Variants in SMG1 observed in about 807,000 individuals in gnomAD.
SMG1 encodes SMG1 nonsense mediated mRNA decay associated PI3K related kinase.
In SMG1, 22 loss-of-function variants were observed where a neutral mutation model predicts 419.9. The ratio of observed to expected loss-of-function variants is 0.05; its 90% CI spans 0.04 to 0.07. The LOEUF is 0.07. Ranked by LOEUF, SMG1 falls within the 10% of genes least tolerant of loss-of-function variation. The pLI is 1.00. For missense variants in SMG1, 3,185 were observed against 4,342.0 expected (o/e 0.73, Z 7.49); for synonymous variants, 1,538 against 1,553.5 (o/e 0.99, Z 0.23).
Position 18,868,559 on chromosome 16 carries a change from G to A in SMG1, c.2994C>T (p.Tyr998=), listed in dbSNP as rs1330826365. ...ENLEKLMYNA[Y]EGCANALTSP... is the part of the protein sequence containing the mutation. ...AAGTTAATGCATTAGCACATCCCTCGTATGCATTATACATTAATTTCTCCA... is the reference window on the plus strand; with the variant it reads ...AAGTTAATGCATTAGCACATCCCTCATATGCATTATACATTAATTTCTCCA... The change falls in exon 21 of 63, where the codon TAC becomes TAT. Residue 998 remains tyrosine (Y), a synonymous_variant. Transcript: ENST00000446231. 2.9e-5 allele frequency: 46 copies of A among 1,595,550 alleles called. No individual in the cohort carries two copies. Among genetic ancestry groups the A allele is most frequent in the Admixed American group, 2.5e-4 (15 of 59,976 alleles).
At chr16:18,854,221 G>A (rs1225482388) in intron 30 of SMG1, among the ~76,000 whole-genome samples, 1 of 150,218 alleles carries the variant, frequency 6.7e-6, no homozygotes, top group Non-Finnish European at 1.5e-5. Flanking sequence ...CAAGCAGCCG[G>A]AACTACAGGC....
At chr16:18,841,826 G>A (rs368585568) in intron 40 of SMG1, 32 bp from the exon 41 acceptor site, 1 of 1,582,846 alleles carries the variant, frequency 6.3e-7, no homozygotes, top group African/African-American at 1.3e-5. Context: ...AGCTAGGATA[G>A]GTGATTAAAC....
At chr16:18,815,123 G>T in intron 60 of SMG1, 52 bp downstream of exon 60, 1 of 1,109,872 alleles carries the variant, frequency 9.0e-7, no homozygotes, top group Non-Finnish European at 1.3e-6. Flanking sequence ...AAACATCTTA[G>T]CATCTATGTG....
intron 1 of SMG1, among the ~76,000 whole-genome samples, chr16:18,914,661 A>C (rs9930627): frequency 5.9e-5 from 9 of 152,038 alleles, no homozygotes; most frequent in Admixed American, 2.6e-4. Context: ...TCCAGCCTGG[A>C]TGACAAATAA....
At chr16:18,910,363 T>A (rs1020197238) in intron 1 of SMG1, among the ~76,000 whole-genome samples, 2 of 151,830 alleles carry the variant, frequency 1.3e-5, no homozygotes, top group Non-Finnish European at 2.9e-5. Context: ...CCCAAATAGC[T>A]GGGATTACAG....
chr16:18,851,949 T>C, intron 33 of SMG1, 118 bp downstream of exon 33: 3 of 1,102,202 alleles, frequency 2.7e-6, no homozygotes, highest in Non-Finnish European at 3.7e-6. Flanking sequence ...CAGAAGTTTT[T>C]ATTTACAACA....
Position 18,883,962 on chromosome 16 carries a change from A to G in SMG1, c.1119+108T>C, listed in dbSNP as rs1468582846. The G allele has an allele frequency of 1.1e-5, 5 of 469,342 alleles. No individual in the cohort carries two copies. The Admixed American group carries it at 2.1e-4, about 19-fold the overall frequency. 29.1% of individuals were successfully genotyped at this position (469,342 alleles called of 1,614,324 possible). A position where few individuals can be genotyped will look rare whatever the true frequency, so the allele number is the denominator to read the frequency against. On this transcript the variant is annotated intron_variant, in intron 9 of 62. Coordinates refer to ENST00000446231, the MANE Select transcript of SMG1 (RefSeq NM_015092.5). Reference sequence around the variant, plus strand: ...GTTTAAAATATTGCAATGGGCATGTAATTTCTGCTTAAATGTCAGGAGGTC... The same window carrying G: ...GTTTAAAATATTGCAATGGGCATGTGATTTCTGCTTAAATGTCAGGAGGTC...
chr16:18,831,776 T>TAC (rs2033197151), intron 51 of SMG1, among the ~76,000 whole-genome samples: 1 of 87,010 alleles, frequency 1.1e-5, no homozygotes, highest in South Asian at 4.0e-4. Flanking sequence ...AAAAAATACA[T>TAC]ATATATATAT....
intron 9 of SMG1, among the ~76,000 whole-genome samples, chr16:18,883,685 G>A (rs780751576): frequency 3.9e-5 from 6 of 152,122 alleles, no homozygotes; most frequent in Admixed American, 2.0e-4. Context: ...TTGGGAGGCC[G>A]ATGCGGGTGG....
At chr16:18,864,984 T>A (rs1303024294) in intron 23 of SMG1, among the ~76,000 whole-genome samples, 1 of 152,194 alleles carries the variant, frequency 6.6e-6, no homozygotes, top group South Asian at 2.1e-4. Context: ...AAAATATTGA[T>A]AAGTAGCTGA....
In SMG1 at chr16:18,853,691, T is replaced by G; in HGVS notation, c.4660A>C (p.Asn1554His). ...GACAAAGTAGAAAGACCTGTGAAGT[T>G]CTGTTGGTGCTGAGCTCTGTAAACC... The part of the protein sequence containing the change: ...KQVYRAQHQQ[N>H]FTGLSTLSKN... The change falls in exon 31 of 63, where the codon AAC (asparagine) becomes CAC (histidine). Residue 1554 changes from asparagine to histidine, a missense_variant. By Grantham distance (68) the Asn-to-His change is moderately conservative. Coordinates refer to ENST00000446231, the MANE Select transcript of SMG1 (RefSeq NM_015092.5). 1.2e-6 allele frequency: 2 copies of G among 1,613,802 alleles called. No homozygotes were observed. Among genetic ancestry groups the G allele is most frequent in the Non-Finnish European group, 1.7e-6 (2 of 1,179,804 alleles).
At chr16:18,837,179 A>T in intron 46 of SMG1, 74 bp downstream of exon 46, 1 of 1,287,558 alleles carries the variant, frequency 7.8e-7, no homozygotes, top group Non-Finnish European at 1.1e-6. Context: ...ATTCTAATCC[A>T]TATTGATGTT....
At chr16:18,818,247 T>C (rs1186345899) in intron 56 of SMG1, among the ~76,000 whole-genome samples, 1 of 152,034 alleles carries the variant, frequency 6.6e-6, no homozygotes, top group Non-Finnish European at 1.5e-5. Context: ...TAGCTGGGCA[T>C]GGTGGCGGGT....
At position 18,830,052 on chromosome 16, in the gene SMG1, T is replaced by G; in HGVS notation, c.9007A>C (p.Thr3003Pro). 1.2e-6 allele frequency: 2 copies of G among 1,603,144 alleles called. No individual in the cohort carries two copies. The highest frequency in any genetic ancestry group is 1.7e-6 in the Non-Finnish European group (2 of 1,174,148). ...KIDIIREARS[T>P]QVNFFDDDNH... Reference sequence around the variant, plus strand: ...TCATCATCAAAAAAATTAACTTGAGTACTCCTGGCTTCCCTTATGATGTCA... The same window carrying G: ...TCATCATCAAAAAAATTAACTTGAGGACTCCTGGCTTCCCTTATGATGTCA... Residue 3003 changes from threonine to proline, a missense_variant, in exon 53 of 63, where the codon ACT becomes CCT. Coordinates refer to ENST00000446231, the MANE Select transcript of SMG1 (RefSeq NM_015092.5).
intron 1 of SMG1, among the ~76,000 whole-genome samples, chr16:18,916,513 C>CAAAAAAAAAAAAAAAAAAAAAAAAAAAA (rs59985733): frequency 1.5e-5 from 1 of 68,926 alleles, no homozygotes; most frequent in African/African-American, 5.1e-5. Context: ...GACTCCATCT[C>CAAAAAAAAAAAAAAAAAAAAAAAAAAAA]AAAAAAAAAA....
At chr16:18,828,235 G>A in intron 54 of SMG1, 67 bp from the exon 55 acceptor site, 1 of 1,533,504 alleles carries the variant, frequency 6.5e-7, no homozygotes, top group South Asian at 1.2e-5. Context: ...TAAGGGAAGG[G>A]AGGCGCAACC....
rs2030942642 is a variant in SMG1, at chr16:18,807,441, CAA to C, written c.*2126_*2127del. The C allele has an allele frequency of 6.6e-6, 1 of 151,974 alleles. No homozygotes were observed. The highest frequency in any genetic ancestry group is 1.5e-5 in the Non-Finnish European group (1 of 67,994). 9.4% of individuals were successfully genotyped at this position (151,974 alleles called of 1,614,324 possible). On this transcript the variant is annotated 3_prime_UTR_variant, in exon 63 of 63. Transcript: ENST00000446231. The stretch of plus-strand genomic sequence containing the variant: ...TAGGTTTTTTGCGAAAATAAGGTTC[CAA>C]ATGAATGAAGAAAACAAAATTTGAT...
At chr16:18,912,444 C>G (rs2037830809) in intron 1 of SMG1, among the ~76,000 whole-genome samples, 1 of 151,848 alleles carries the variant, frequency 6.6e-6, no homozygotes, top group Admixed American at 6.6e-5. Flanking sequence ...CTACATTACA[C>G]ACATATATAT....
At chr16:18,841,891 G>T in intron 40 of SMG1, 97 bp from the exon 41 acceptor site, 1 of 1,012,394 alleles carries the variant, frequency 9.9e-7, no homozygotes, top group Non-Finnish European at 1.5e-6. Context: ...GTCAAAAACT[G>T]ACAGTCCATG....
Sources: allele counts gnomAD v4.1 joint callset (sites outside exome capture counted in the v4.1 genomes callset), GRCh38; gene constraint gnomAD v4.1.1; transcripts MANE v1.5; gene names NCBI Gene and HGNC (gene_info 2026-07-23, HGNC 2026-07-21).